The following ZYG11A variants were observed in gnomAD, a reference collection of about 807,000 sequenced individuals.
ZYG11A encodes the protein zyg-11 family member A, cell cycle regulator, also known as protein zyg-11 homolog A.
ZYG11A carries 62 observed loss-of-function variants against 77.2 expected under a neutral mutation model. The observed-to-expected ratio is 0.80, with a 90% CI of 0.65 to 0.99. The LOEUF (loss-of-function observed/expected upper bound fraction) is 0.99. Ranked by LOEUF, ZYG11A falls within the 50% of genes least tolerant of loss-of-function variation. ZYG11A has a pLI of 0.00. For missense variants in ZYG11A, 828 were observed against 896.8 expected (o/e 0.92, Z 0.98); for synonymous variants, 315 against 324.6 (o/e 0.97, Z 0.32).
At chr1:52,889,397 GTA>G (rs1646501250) in intron 13 of ZYG11A, among the ~76,000 whole-genome samples, 1 of 150,480 alleles carries the variant, frequency 6.6e-6, no homozygotes, top group Non-Finnish European at 1.5e-5. Context: ...TGACAAATGA[GTA>G]TTTCTTTAAA....
intron 6 of ZYG11A, among the ~76,000 whole-genome samples, 200 bp from the exon 7 acceptor site, chr1:52,867,339 G>A (rs1226041780): frequency 2.6e-5 from 4 of 151,994 alleles, no homozygotes; most frequent in African/African-American, 9.7e-5. Flanking sequence ...TGTGTATTTT[G>A]CTTACGTTCT....
In ZYG11A at chr1:52,892,800, T is replaced by C; in HGVS notation, c.2123T>C (p.Met708Thr). ...CSKNPSKYCK[M>T]LVEEEGLQLL... is the part of the protein sequence containing the mutation. ...CTTTCAGCCAGCAAATACTGCAAAA[T>C]GTTAGTTGAAGAAGAAGGATTGCAG... Residue 708 changes from methionine (M) to threonine (T), a missense_variant, in exon 14 of 14, where the codon ATG (methionine) becomes ACG (threonine). By Grantham distance (81) the Met-to-Thr change is moderately conservative. Coordinates refer to ENST00000371528, the MANE Select transcript of ZYG11A (RefSeq NM_001004339.3). The C allele has an allele frequency of 6.4e-7, 1 of 1,551,514 alleles. No homozygotes were observed. The highest frequency in any genetic ancestry group is 2.4e-5 in the East Asian group (1 of 40,896).
At chr1:52,848,829 T>C (rs1209149563) in intron 1 of ZYG11A, among the ~76,000 whole-genome samples, 2 of 152,150 alleles carry the variant, frequency 1.3e-5, no homozygotes, top group Non-Finnish European at 2.9e-5. Context: ...ATCATGCTAC[T>C]GCACTGCAGC....
At chr1:52,888,405 G>A (rs556324765) in intron 13 of ZYG11A, among the ~76,000 whole-genome samples, 16 of 152,160 alleles carry the variant, frequency 1.1e-4, no homozygotes, top group Admixed American at 6.5e-4. Context: ...TTGCCCAGGC[G>A]GGAGTGCAAT....
intron 1 of ZYG11A, among the ~76,000 whole-genome samples, chr1:52,847,081 C>T (rs1645601034): frequency 6.6e-6 from 1 of 151,364 alleles, no homozygotes; most frequent in South Asian, 2.1e-4. Context: ...CTCCCGACCT[C>T]AGGTGTTTCG....
intron 13 of ZYG11A, among the ~76,000 whole-genome samples, chr1:52,888,337 A>G (rs189003954): frequency 4.1e-4 from 62 of 152,346 alleles, no homozygotes; most frequent in African/African-American, 1.3e-3. Flanking sequence ...CAGAATCAAC[A>G]GGAAAGAACT....
At chr1:52,878,766 C>T (rs1001081882) in intron 10 of ZYG11A, among the ~76,000 whole-genome samples, 2 of 151,988 alleles carry the variant, frequency 1.3e-5, no homozygotes, top group Non-Finnish European at 2.9e-5. Context: ...TGGTGAAACC[C>T]TGTCTCTACT....
In ZYG11A at chr1:52,857,880, A is replaced by G. The variant is rs115668632; in HGVS notation, c.1008+131A>G. 4.5e-3 allele frequency: 2,981 copies of G among 664,750 alleles called. 69 individuals are homozygous for G. In the African/African-American group the frequency reaches 0.049, roughly 11 times the overall value. The allele number at this position is 664,750 out of a possible 1,614,324, so 41.2% of individuals were successfully genotyped here. Reference sequence around the variant, plus strand: ...AAAAAATCCTTAAAGAGCTTTTTTAATAATTAATGATTATTATGTACCTAC... The same window carrying G: ...AAAAAATCCTTAAAGAGCTTTTTTAGTAATTAATGATTATTATGTACCTAC... On this transcript the variant is annotated intron_variant, in intron 3 of 13. Transcript: ENST00000371528.
rs544645655 is a variant in ZYG11A at position 52,864,284 on chromosome 1, C to T, written c.1326+127C>T. 4.1e-5 allele frequency: 41 copies of T among 994,334 alleles called. No homozygotes were observed. The African/African-American group carries it at 5.5e-4, about 13-fold the overall frequency. The allele number at this position is 994,334 out of a possible 1,614,324, so 61.6% of individuals were successfully genotyped here. A position where few individuals can be genotyped will look rare whatever the true frequency, so the allele number is the denominator to read the frequency against. On this transcript the variant is annotated intron_variant, in intron 5 of 13. Transcript: ENST00000371528. Reference sequence around the variant, plus strand: ...TTTTAAAGACAGAGTCTCTCTCTGTCGCCCAGGCTGGAGTGCGGTGGCACG... The same window carrying T: ...TTTTAAAGACAGAGTCTCTCTCTGTTGCCCAGGCTGGAGTGCGGTGGCACG...
At chr1:52,886,444 A>T (rs1047662739) in intron 12 of ZYG11A, among the ~76,000 whole-genome samples, 1 of 152,176 alleles carries the variant, frequency 6.6e-6, no homozygotes, top group South Asian at 2.1e-4. Flanking sequence ...ACAGAATGCA[A>T]TTTCTTAAAT....
chr1:52,845,307 C>CTTTTTTT (rs34851064), intron 1 of ZYG11A, among the ~76,000 whole-genome samples: 1 of 130,852 alleles, frequency 7.6e-6, no homozygotes. Flanking sequence ...ATGGTCTGTG[C>CTTTTTTT]TTTTTTTTTT....
At chr1:52,844,681 C>G (rs1453927965) in intron 1 of ZYG11A, among the ~76,000 whole-genome samples, 6 of 151,382 alleles carry the variant, frequency 4.0e-5, no homozygotes, top group African/African-American at 7.3e-5. Flanking sequence ...TGTTCCTGTT[C>G]TTGATACTAT....
rs1285469382 is a variant in ZYG11A at position 52,849,006 on chromosome 1, G to A, written c.91-5459G>A. ...GTTTTATAGGTTCCAAGTATAAGAC[G>A]TTGTCCTTATTATTTTTTGTTAAAA... is the stretch of plus-strand genomic sequence containing the variant. On this transcript the variant is annotated intron_variant, in intron 1 of 13. Transcript: ENST00000371528. Among the ~76,000 whole-genome samples the A allele has an allele frequency of 4.6e-5, 7 of 152,200 alleles. No individual in the cohort carries two copies. The South Asian group carries it at 8.3e-4, about 18-fold the overall frequency.
chr1:52,843,201 G>C (rs1183935740), intron 1 of ZYG11A, among the ~76,000 whole-genome samples: 1 of 152,152 alleles, frequency 6.6e-6, no homozygotes, highest in African/African-American at 2.4e-5. Flanking sequence ...TTCTGCGCCC[G>C]GCGAAGCGCG....
intron 11 of ZYG11A, among the ~76,000 whole-genome samples, chr1:52,884,656 A>G (rs1350199462): frequency 6.6e-6 from 1 of 152,148 alleles, no homozygotes. Flanking sequence ...ATTCATATTC[A>G]GAAAAAAAAA....
At chr1:52,878,916 C>G (rs1176492999) in intron 10 of ZYG11A, among the ~76,000 whole-genome samples, 1 of 132,112 alleles carries the variant, frequency 7.6e-6, no homozygotes, top group African/African-American at 2.8e-5. Context: ...TCCAATTGCA[C>G]TCCAGCCTGG....
chr1:52,869,971 C>CG (rs1646119571), intron 8 of ZYG11A, among the ~76,000 whole-genome samples: 1 of 71,820 alleles, frequency 1.4e-5, no homozygotes, highest in Non-Finnish European at 3.7e-5. Flanking sequence ...CTGACCCCCC[C>CG]CCACCCCCCT....
intron 3 of ZYG11A, among the ~76,000 whole-genome samples, chr1:52,859,374 C>T (rs930449452): frequency 4.0e-5 from 6 of 151,762 alleles, no homozygotes; most frequent in African/African-American, 1.2e-4. Flanking sequence ...CTTGCTCTGT[C>T]GCCCAGGCTG....
chr1:52,854,196 G>A (rs1378087867), intron 1 of ZYG11A, among the ~76,000 whole-genome samples: 1 of 152,162 alleles, frequency 6.6e-6, no homozygotes, highest in African/African-American at 2.4e-5. Flanking sequence ...GGAGACTTGA[G>A]CATCTGTGGA....
Sources: allele counts gnomAD v4.1 joint callset (sites outside exome capture counted in the v4.1 genomes callset), GRCh38; gene constraint gnomAD v4.1.1; transcripts MANE v1.5; gene names NCBI Gene and HGNC (gene_info 2026-07-23, HGNC 2026-07-21).